The following CLTCL1 variants were observed in gnomAD, a reference collection of about 807,000 sequenced individuals.
CLTCL1 encodes the protein clathrin heavy chain 2.
CLTCL1 carries 159 observed loss-of-function variants against 190.0 expected under a neutral mutation model. That is an observed-to-expected ratio of 0.84 (90% CI 0.74 to 0.95). The LOEUF (loss-of-function observed/expected upper bound fraction) is 0.95, where lower values mean the gene tolerates loss of function less well. CLTCL1 is among the 40% of genes least tolerant of loss of function. CLTCL1 has a pLI of 0.00. For synonymous variants in CLTCL1, 752 were observed against 769.6 expected (o/e 0.98, Z 0.38); for missense variants, 1,878 against 2,033.4 (o/e 0.92, Z 1.47).
Position 19,233,379 on chromosome 22 carries a change from T to C in CLTCL1, c.1368+43A>G, listed in dbSNP as rs782022489. ...GCAGGTAGGGAGCCTGGACCAAGTT[T>C]TCAAGCTGTGCGGGGGGGCTACGAG... On this transcript the variant is annotated intron_variant, in intron 8 of 32. Coordinates refer to ENST00000427926, the MANE Select transcript of CLTCL1 (RefSeq NM_007098.4). 1.9e-6 allele frequency: 3 copies of C among 1,610,998 alleles called. No individual in the cohort carries two copies. The African/African-American group carries it at 4.0e-5, about 22-fold the overall frequency.
chr22:19,228,703 G>A (rs922278254), intron 11 of CLTCL1, among the ~76,000 whole-genome samples: 48 of 152,148 alleles, frequency 3.2e-4, no homozygotes, highest in African/African-American at 1.1e-3. Context: ...AGAACAAAGT[G>A]AACTTGTACA....
rs781801884 is a variant in CLTCL1, at chr22:19,226,278, A to G, written c.1888T>C (p.Tyr630His). The G allele has an allele frequency of 6.2e-7, 1 of 1,614,040 alleles. No individual in the cohort carries two copies. Among genetic ancestry groups the G allele is most frequent in the South Asian group, 1.1e-5 (1 of 91,086 alleles). The change falls in exon 12 of 33, where the codon TAC (tyrosine) becomes CAC (histidine). Residue 630 changes from tyrosine to histidine, a missense_variant. Tyr to His is a moderately conservative substitution (Grantham distance 83, BLOSUM62 2). Coordinates refer to ENST00000427926, the MANE Select transcript of CLTCL1 (RefSeq NM_007098.4). ...AGLLQQALEH[Y>H]TDLYDIKRAV... Reference sequence around the variant, plus strand: ...CTCTTGATGTCATAGAGGTCGGTGTAGTGCTCCAGTGCTTGCTGCAGGAGG... The same window carrying G: ...CTCTTGATGTCATAGAGGTCGGTGTGGTGCTCCAGTGCTTGCTGCAGGAGG...
intron 17 of CLTCL1, among the ~76,000 whole-genome samples, chr22:19,220,246 T>C (rs2085525965): frequency 6.6e-6 from 1 of 152,138 alleles, no homozygotes; most frequent in African/African-American, 2.4e-5. Flanking sequence ...GTGCCACATA[T>C]CTGGCCAGTA....
intron 3 of CLTCL1, among the ~76,000 whole-genome samples, chr22:19,243,648 G>A (rs2086323152): frequency 6.7e-6 from 1 of 148,188 alleles, no homozygotes; most frequent in Non-Finnish European, 1.5e-5. Context: ...AAACCAGTAA[G>A]ACTAATATCT....
intron 3 of CLTCL1, among the ~76,000 whole-genome samples, chr22:19,244,620 A>C (rs2086360127): frequency 6.6e-6 from 1 of 152,210 alleles, no homozygotes; most frequent in Non-Finnish European, 1.5e-5. Context: ...TACCTAAACG[A>C]AGCCTAAACT....
At chr22:19,222,382 G>C (rs1364174703) in intron 15 of CLTCL1, among the ~76,000 whole-genome samples, 1 of 152,194 alleles carries the variant, frequency 6.6e-6, no homozygotes, top group Non-Finnish European at 1.5e-5. Context: ...CAGAGGAAAG[G>C]CCCTGTGAGG....
intron 1 of CLTCL1, among the ~76,000 whole-genome samples, chr22:19,291,013 G>T (rs1240632787): frequency 1.3e-5 from 2 of 152,176 alleles, no homozygotes; most frequent in African/African-American, 4.8e-5. Flanking sequence ...CAAAGCAGGG[G>T]GCCAGTCCTT....
Position 19,232,402 on chromosome 22 carries a change from G to T in CLTCL1, c.1644+74C>A, listed in dbSNP as rs1424547862. The stretch of plus-strand genomic sequence containing the variant: ...AGAAAAGCATTGAGACAAGTTAACA[G>T]GAAACGAATCAAAGAAATCTTCTAG... On this transcript the variant is annotated intron_variant, in intron 10 of 32. Transcript: ENST00000427926. The T allele has an allele frequency of 8.8e-6, 14 of 1,590,342 alleles. 1 individual carries two copies. In the South Asian group the frequency reaches 1.1e-4, roughly 13 times the overall value.
chr22:19,291,701 G>C lies in CLTCL1; in HGVS notation c.-60C>G. ...CGGCAGGAATGAACGCCGACCCCTC[G>C]CGCGGGCTGACCGGTGGCGACGGCG... On this transcript the variant is annotated 5_prime_UTR_variant, in exon 1 of 33. Coordinates refer to ENST00000427926, the MANE Select transcript of CLTCL1 (RefSeq NM_007098.4). 3.1e-6 allele frequency: 4 copies of C among 1,310,350 alleles called. No homozygotes were observed. Among genetic ancestry groups the C allele is most frequent in the Admixed American group, 3.7e-5 (1 of 26,996 alleles). 81.2% of individuals were successfully genotyped at this position (1,310,350 alleles called of 1,614,324 possible).
At chr22:19,188,763 G>A (rs1314250175) in intron 27 of CLTCL1, among the ~76,000 whole-genome samples, 1 of 151,876 alleles carries the variant, frequency 6.6e-6, no homozygotes, top group Non-Finnish European at 1.5e-5. Flanking sequence ...CCAGGCGCTT[G>A]CCACCACGCC....
chr22:19,276,054 T>A (rs528555973), intron 1 of CLTCL1, among the ~76,000 whole-genome samples: 1 of 152,248 alleles, frequency 6.6e-6, no homozygotes, highest in African/African-American at 2.4e-5. Flanking sequence ...AGATAAGACA[T>A]GTGCAGGATG....
At chr22:19,269,786 T>C (rs2087245134) in intron 2 of CLTCL1, among the ~76,000 whole-genome samples, 2 of 148,310 alleles carry the variant, frequency 1.3e-5, no homozygotes, top group Admixed American at 1.3e-4. Context: ...GTCAGGGGAG[T>C]GGGGGGCGAA....
chr22:19,258,249 C>G (rs1370278829), intron 2 of CLTCL1: 1 of 344,466 alleles, frequency 2.9e-6, no homozygotes, highest in East Asian at 7.1e-5. Context: ...ATATCAGGAC[C>G]TTGGCAAGAT....
intron 22 of CLTCL1, among the ~76,000 whole-genome samples, chr22:19,207,304 AC>A (rs1405135247): frequency 2.8e-4 from 43 of 152,342 alleles, no homozygotes; most frequent in African/African-American, 9.9e-4. Context: ...GGCATGAGCC[AC>A]CATGCCCAGC....
chr22:19,250,369 T>C (rs2146037815), intron 3 of CLTCL1, among the ~76,000 whole-genome samples: 2 of 151,062 alleles, frequency 1.3e-5, no homozygotes, highest in Middle Eastern at 6.8e-3. Context: ...GACAGGGTCT[T>C]GTTCTATTGC....
At chr22:19,246,136 T>C (rs1049426620) in intron 3 of CLTCL1, among the ~76,000 whole-genome samples, 3 of 152,176 alleles carry the variant, frequency 2.0e-5, no homozygotes, top group African/African-American at 7.2e-5. Context: ...CTTGGCTCAC[T>C]GCAAGCTCTG....
At position 19,218,065 on chromosome 22, in the gene CLTCL1, C is replaced by T. The variant is rs186921817; in HGVS notation, c.2920-1809G>A. 3.4e-3 allele frequency among the ~76,000 whole-genome samples: 513 copies of T among 152,302 alleles called. 18 individuals carry two copies. Among genetic ancestry groups the T allele is most frequent in the East Asian group, 5.6e-3 (29 of 5,192 alleles). On this transcript the variant is annotated intron_variant, in intron 18 of 32. Coordinates refer to ENST00000427926, the MANE Select transcript of CLTCL1 (RefSeq NM_007098.4). ...AGCAGCCTCCCTCTGTTATTATGCG[C>T]TCTGGATTACAGGAGCATTGCAGTT...
chr22:19,286,183 ATGG>A (rs2087899688), intron 1 of CLTCL1, among the ~76,000 whole-genome samples: 1 of 152,198 alleles, frequency 6.6e-6, no homozygotes, highest in South Asian at 2.1e-4. Flanking sequence ...TAAATGTTCT[ATGG>A]TGAAGATCTG....
At chr22:19,257,656 A>C (rs1330077768) in intron 2 of CLTCL1, 2 of 480,736 alleles carry the variant, frequency 4.2e-6, no homozygotes, top group African/African-American at 4.1e-5. Context: ...TTGGGCTCCC[A>C]GATCTCTGTG....
Sources: allele counts gnomAD v4.1 joint callset (sites outside exome capture counted in the v4.1 genomes callset), GRCh38; gene constraint gnomAD v4.1.1; transcripts MANE v1.5; gene names NCBI Gene and HGNC (gene_info 2026-07-23, HGNC 2026-07-21).